Variants in GDPD4 observed in about 807,000 individuals in gnomAD.
GDPD4 encodes the protein glycerophosphodiester phosphodiesterase domain containing 4.
Under a neutral mutation model 67.8 loss-of-function variants are expected in GDPD4, and 60 were observed. The observed-to-expected ratio is 0.88, with a 90% CI of 0.72 to 1.10. GDPD4 has a LOEUF of 1.10. Ranked by LOEUF, GDPD4 falls within the 50% of genes least tolerant of loss-of-function variation. The pLI, the probability that GDPD4 is intolerant of heterozygous loss-of-function variation, is 0.00. For missense variants in GDPD4, 623 were observed against 613.9 expected (o/e 1.01, Z -0.16); for synonymous variants, 212 against 210.9 (o/e 1.00, Z -0.04).
intron 13 of GDPD4, among the ~76,000 whole-genome samples, chr11:77,237,946 T>C (rs201915093): frequency 2.6e-4 from 40 of 152,144 alleles, no homozygotes; most frequent in African/African-American, 9.7e-4. Context: ...AATAAGTTTA[T>C]AGCTTTAAAT....
chr11:77,219,145 C>T (rs574656373), intron 16 of GDPD4, among the ~76,000 whole-genome samples: 32 of 152,260 alleles, frequency 2.1e-4, no homozygotes, highest in Admixed American at 3.9e-4. Flanking sequence ...TGATCAGTGA[C>T]GATGAGCATT....
chr11:77,289,589 T>C (rs1937696435), intron 1 of GDPD4, among the ~76,000 whole-genome samples: 1 of 149,328 alleles, frequency 6.7e-6, no homozygotes, highest in Admixed American at 6.7e-5. Context: ...AAATTAGCCA[T>C]GCATGGTAGT....
intron 10 of GDPD4, among the ~76,000 whole-genome samples, chr11:77,265,575 A>AAATAT (rs1959174394): frequency 6.6e-6 from 1 of 152,186 alleles, no homozygotes; most frequent in African/African-American, 2.4e-5. Flanking sequence ...CATCTTGCAT[A>AAATAT]ACTATACTAT....
At chr11:77,241,360 C>T (rs894254268) in intron 13 of GDPD4, among the ~76,000 whole-genome samples, 8 of 152,136 alleles carry the variant, frequency 5.3e-5, no homozygotes, top group Admixed American at 2.6e-4. Flanking sequence ...GTCTCCCTTA[C>T]GTGTGGACTC....
At chr11:77,232,283 C>T (rs1958469888) in intron 14 of GDPD4, among the ~76,000 whole-genome samples, 1 of 152,236 alleles carries the variant, frequency 6.6e-6, no homozygotes, top group African/African-American at 2.4e-5. Flanking sequence ...GAAAGGCCTA[C>T]ATCACAGACC....
chr11:77,216,709 G>C lies in GDPD4; in HGVS notation c.*568C>G, dbSNP rs1565499735. ...GCCTAGCCCCTTGAGATGCATTCTT[G>C]ATAGCGAGAGCACAATGGTTCCCCT... is the stretch of plus-strand genomic sequence containing the variant. On this transcript the variant is annotated 3_prime_UTR_variant, in exon 17 of 17. Transcript: ENST00000315938. 1.7e-6 allele frequency: 1 copy of C among 572,914 alleles called. No homozygotes were observed. Among genetic ancestry groups the C allele is most frequent in the Non-Finnish European group, 3.1e-6 (1 of 322,320 alleles). 35.5% of individuals were successfully genotyped at this position (572,914 alleles called of 1,614,324 possible).
At chr11:77,270,173 C>A (rs1365670130) in intron 7 of GDPD4, among the ~76,000 whole-genome samples, 1 of 152,038 alleles carries the variant, frequency 6.6e-6, no homozygotes. Context: ...AAAAGGAGAC[C>A]CAGAGAGAAG....
At position 77,217,122 on chromosome 11, in the gene GDPD4, T is replaced by C; in HGVS notation, c.*155A>G. ...GGCTTCAAAGGTGTGACAGCATTCT[T>C]GATAGGTAGTAGTTTCTTGGATGGT... is the stretch of plus-strand genomic sequence containing the variant. On this transcript the variant is annotated 3_prime_UTR_variant, in exon 17 of 17. Coordinates refer to ENST00000315938, the MANE Select transcript of GDPD4 (RefSeq NM_182833.3). The C allele has an allele frequency of 2.8e-6, 2 of 723,178 alleles. No individual in the cohort carries two copies. Among genetic ancestry groups the C allele is most frequent in the Non-Finnish European group, 5.1e-6 (2 of 391,350 alleles). The allele number at this position is 723,178 out of a possible 1,614,324, so 44.8% of individuals were successfully genotyped here.
chr11:77,264,315 GAAC>G (rs1249777809), intron 10 of GDPD4, among the ~76,000 whole-genome samples: 1 of 152,038 alleles, frequency 6.6e-6, no homozygotes, highest in Non-Finnish European at 1.5e-5. Context: ...TCACATTTAA[GAAC>G]AACATAGCTG....
chr11:77,295,624 T>G (rs1241113849), intron 1 of GDPD4, among the ~76,000 whole-genome samples: 3 of 152,112 alleles, frequency 2.0e-5, no homozygotes. Flanking sequence ...GAATGAGACC[T>G]TGTCTCTAAA....
intron 16 of GDPD4, 122 bp downstream of exon 16, chr11:77,227,742 A>ACCCCCC: frequency 1.6e-6 from 1 of 624,130 alleles, no homozygotes; most frequent in East Asian, 3.3e-5. Flanking sequence ...CCCTCCCCCA[A>ACCCCCC]CCCCACCCCC....
intron 1 of GDPD4, among the ~76,000 whole-genome samples, chr11:77,289,818 AAGGGAGGGAGGGAGGGGAAGGAAAGG>A (rs1937706619): frequency 9.9e-6 from 1 of 100,626 alleles, no homozygotes; most frequent in South Asian, 4.0e-4. Context: ...GGAGGGAAGG[AAGGGAGGGAGGGAGGGGAAGGAAAGG>A]AGGGAGGGAG....
Position 77,232,390 on chromosome 11 carries a change from GT to G in GDPD4, c.1389+634del, listed in dbSNP as rs1195826006. Among the ~76,000 whole-genome samples, 13 of 152,330 alleles carry G rather than the reference GT, an allele frequency of 8.5e-5. No individual in the cohort carries two copies. The South Asian group carries it at 2.5e-3, about 29-fold the overall frequency. ...CTACTCTCTGTACAGATAAGAACAA[GT>G]TCTGTAGCAGTAACTGGTTAGCTAG... is the stretch of plus-strand genomic sequence containing the variant. On this transcript the variant is annotated intron_variant, in intron 14 of 16. Transcript: ENST00000315938.
intron 16 of GDPD4, among the ~76,000 whole-genome samples, chr11:77,226,713 G>A (rs993903367): frequency 3.3e-5 from 5 of 152,300 alleles, no homozygotes; most frequent in South Asian, 2.1e-4. Context: ...ACTTTGTAAC[G>A]TAGCCAGTAG....
intron 11 of GDPD4, among the ~76,000 whole-genome samples, chr11:77,247,909 G>A (rs570887493): frequency 5.9e-5 from 9 of 152,006 alleles, no homozygotes; most frequent in African/African-American, 1.4e-4. Flanking sequence ...AAATTTAGCC[G>A]GCTGTGGTGG....
At chr11:77,226,296 G>A (rs1958336539) in intron 16 of GDPD4, among the ~76,000 whole-genome samples, 1 of 152,068 alleles carries the variant, frequency 6.6e-6, no homozygotes, top group Non-Finnish European at 1.5e-5. Flanking sequence ...ATATGTCAGA[G>A]TCCTAACCCT....
intron 15 of GDPD4, among the ~76,000 whole-genome samples, chr11:77,228,671 G>C (rs756947743): frequency 3.9e-5 from 6 of 152,058 alleles, no homozygotes; most frequent in Non-Finnish European, 8.8e-5. Flanking sequence ...CTGGGCAATA[G>C]ACTGAGACCC....
Position 77,217,065 on chromosome 11 carries a change from T to C in GDPD4, c.*212A>G. 1 of 704,682 alleles carries C rather than the reference T, an allele frequency of 1.4e-6. No individual in the cohort carries two copies. The highest frequency in any genetic ancestry group is 2.6e-6 in the Non-Finnish European group (1 of 385,142). The allele number at this position is 704,682 out of a possible 1,614,324, so 43.7% of individuals were successfully genotyped here. On this transcript the variant is annotated 3_prime_UTR_variant, in exon 17 of 17. Coordinates refer to ENST00000315938, the MANE Select transcript of GDPD4 (RefSeq NM_182833.3). ...GCTTGGGTGAGTTCAAAGACCACGG[T>C]GGGCATCGGTGGTTGAATCTCATGC... is the stretch of plus-strand genomic sequence containing the variant.
intron 12 of GDPD4, 60 bp from the exon 13 acceptor site, chr11:77,243,908 C>A: frequency 1.6e-6 from 2 of 1,241,348 alleles, no homozygotes; most frequent in Non-Finnish European, 2.3e-6. Context: ...ACGAACAGCC[C>A]CATAGAGAAT....
Sources: gnomAD v4.1 joint callset for allele counts (sites outside exome capture counted in the v4.1 genomes callset) on GRCh38, gnomAD v4.1.1 for gene constraint, MANE v1.5 for transcripts, NCBI Gene and HGNC (gene_info 2026-07-23, HGNC 2026-07-21) for gene names.